The following NSUN2 variants were observed in gnomAD, a reference collection of about 807,000 sequenced individuals.
NSUN2 encodes the protein RNA cytosine C(5)-methyltransferase NSUN2.
NSUN2 carries 63 observed loss-of-function variants against 92.7 expected under a neutral mutation model. That is an observed-to-expected ratio of 0.68 (90% confidence interval 0.56 to 0.84). The LOEUF (loss-of-function observed/expected upper bound fraction) is 0.84, where lower values mean the gene tolerates loss of function less well. Ranked by LOEUF, NSUN2 falls within the 40% of genes least tolerant of loss-of-function variation. The pLI is 0.00. For synonymous variants in NSUN2, 356 were observed against 348.3 expected (o/e 1.02, Z -0.25); for missense variants, 989 against 964.9 (o/e 1.02, Z -0.33).
rs137873735 is a variant in NSUN2 at position 6,607,354 on chromosome 5, T to C, written c.1354A>G (p.Ser452Gly). 47 of 1,614,068 alleles carry C rather than the reference T, an allele frequency of 2.9e-5. No homozygotes were observed. The highest frequency in any genetic ancestry group is 3.6e-5 in the Non-Finnish European group (43 of 1,179,964). ...AGATCTGCAGGGCTCAGCTGTGTGC[T>C]TTCTCTGGTCTCTGCAGATTTACCC... ...LQGKSAETRE[S>G]TQLSPADLTE... is the part of the protein sequence containing the mutation. The change falls in exon 13 of 19, where the codon AGC (serine) becomes GGC (glycine). Residue 452 changes from serine to glycine, a missense_variant. Around this residue, in one of 3 missense-constraint regions of NSUN2, gnomAD observed 626 missense variants for 602.3 expected, o/e 1.04. Coordinates refer to ENST00000264670, the MANE Select transcript of NSUN2 (RefSeq NM_017755.6).
At chr5:6,618,846 T>G (rs1203340368) in intron 7 of NSUN2, among the ~76,000 whole-genome samples, 1 of 152,228 alleles carries the variant, frequency 6.6e-6, no homozygotes, top group Non-Finnish European at 1.5e-5. Flanking sequence ...AACGCCTGTT[T>G]TTGTTGGCTT....
rs760872450 is a variant in NSUN2, at chr5:6,611,448, T to TAAAAAAAAAAAAAAAAAAAAAAAAA, written c.1095+276_1095+277insTTTTTTTTTTTTTTTTTTTTTTTTT. ...ACAAGGCTTGAATCCCGGCCCAATT[T>TAAAAAAAAAAAAAAAAAAAAAAAAA]AAAAAAAAAAAAAAAAAGCAAAGCT... On this transcript the variant is annotated intron_variant, in intron 10 of 18. Transcript: ENST00000264670. Among the ~76,000 whole-genome samples, 17 of 86,070 alleles carry TAAAAAAAAAAAAAAAAAAAAAAAAA rather than the reference T, an allele frequency of 2.0e-4. 2 individuals are homozygous for TAAAAAAAAAAAAAAAAAAAAAAAAA. Among genetic ancestry groups the TAAAAAAAAAAAAAAAAAAAAAAAAA allele is most frequent in the African/African-American group, 3.1e-4 (7 of 22,462 alleles). 56.5% of individuals were successfully genotyped at this position (86,070 alleles called of 152,430 possible).
At chr5:6,601,538 A>G (rs936262682) in intron 18 of NSUN2, among the ~76,000 whole-genome samples, 6 of 151,852 alleles carry the variant, frequency 4.0e-5, no homozygotes, top group African/African-American at 1.5e-4. Flanking sequence ...TCCACATGGC[A>G]GCCGGACAGC....
rs1737980642 is a variant in NSUN2 at position 6,632,722 on chromosome 5, T to C, written c.131A>G (p.Glu44Gly). The C allele has an allele frequency of 1.9e-6, 3 of 1,613,896 alleles. No individual in the cohort carries two copies. In the African/African-American group the frequency reaches 4.0e-5, roughly 22 times the overall value. The change falls in exon 2 of 19, where the codon GAG (glutamate) becomes GGG (glycine). Residue 44 changes from glutamate to glycine, a missense_variant. By Grantham distance (98) the Glu-to-Gly change is moderately conservative. Transcript: ENST00000264670. Reference sequence around the variant, plus strand: ...GTAGTAGTGCTCGAACAGCTTGTTCTCCTTGACGATCTCGGGGTAGCCTCC... The same window carrying C: ...GTAGTAGTGCTCGAACAGCTTGTTCCCCTTGACGATCTCGGGGTAGCCTCC... The part of the protein sequence containing the change: ...WEGGYPEIVK[E>G]NKLFEHYYQE...
At chr5:6,625,489 C>T in intron 4 of NSUN2, 75 bp downstream of exon 4, 1 of 1,123,332 alleles carries the variant, frequency 8.9e-7, no homozygotes, top group Non-Finnish European at 1.3e-6. Flanking sequence ...TGACAAGAAC[C>T]TAAAAACAGA....
intron 7 of NSUN2, among the ~76,000 whole-genome samples, chr5:6,618,979 C>T (rs1404756032): frequency 1.3e-5 from 2 of 152,200 alleles, no homozygotes. Flanking sequence ...TGGCTGTACA[C>T]TAGTTGTTTG....
rs536322151 is a variant in NSUN2, at chr5:6,610,943, C to A, written c.1226+12G>T. On this transcript the variant is annotated intron_variant, in intron 11 of 18. Coordinates refer to ENST00000264670, the MANE Select transcript of NSUN2 (RefSeq NM_017755.6). ...TCCCCCCTCCCCACACCTGGAGGCC[C>A]CACCAGCTCACCATCGCTCCAGGTG... 1.9e-6 allele frequency: 3 copies of A among 1,613,740 alleles called. No homozygotes were observed. The highest frequency in any genetic ancestry group is 1.7e-5 in the Admixed American group (1 of 60,008).
intron 12 of NSUN2, 113 bp from the exon 13 acceptor site, chr5:6,607,497 T>C (rs1736825541): frequency 5.6e-6 from 5 of 900,854 alleles, no homozygotes; most frequent in Admixed American, 5.3e-5. Flanking sequence ...TTCTACAGCA[T>C]TATATGTAGA....
chr5:6,612,053 G>A (rs1737015502), intron 9 of NSUN2, among the ~76,000 whole-genome samples: 1 of 152,210 alleles, frequency 6.6e-6, no homozygotes, highest in Non-Finnish European at 1.5e-5. Flanking sequence ...ACGGCCTAAA[G>A]CTGGACTGTG....
chr5:6,605,049 G>A lies in NSUN2; in HGVS notation c.1737+224C>T, dbSNP rs1157779062. 9.5e-6 allele frequency: 6 copies of A among 634,382 alleles called. No homozygotes were observed. The East Asian group carries it at 1.1e-4, about 12-fold the overall frequency. The allele number at this position is 634,382 out of a possible 1,614,324, so 39.3% of individuals were successfully genotyped here. On this transcript the variant is annotated intron_variant, in intron 15 of 18. Coordinates refer to ENST00000264670, the MANE Select transcript of NSUN2 (RefSeq NM_017755.6). Reference sequence around the variant, plus strand: ...TGGCTCACCCCCCTGCGGGAATGGGGCACAGAAAAGACACAGGCCACCAGA... The same window carrying A: ...TGGCTCACCCCCCTGCGGGAATGGGACACAGAAAAGACACAGGCCACCAGA...
Position 6,605,729 on chromosome 5 carries a change from GCT to G in NSUN2, c.1602-323_1602-322del, listed in dbSNP as rs1300148837. On this transcript the variant is annotated intron_variant, in intron 14 of 18. Transcript: ENST00000264670. ...TTTTTTTTTTTTGATATGGAGTCTT[GCT>G]CTGTCTTCCAAGCTGGAGTGCAGTG... 4.1e-5 allele frequency among the ~76,000 whole-genome samples: 6 copies of G among 147,962 alleles called. No homozygotes were observed. The Admixed American group carries it at 4.1e-4, about 10-fold the overall frequency.
chr5:6,608,407 A>AG (rs1265834249), intron 12 of NSUN2, among the ~76,000 whole-genome samples: 1 of 152,216 alleles, frequency 6.6e-6, no homozygotes, highest in Non-Finnish European at 1.5e-5. Context: ...TACAGGCCTC[A>AG]GCACCACAAC....
In NSUN2 at chr5:6,600,205, G is replaced by T; in HGVS notation, c.2025C>A (p.Ile675=). 3 of 1,614,142 alleles carry T rather than the reference G, an allele frequency of 1.9e-6. No individual in the cohort carries two copies. The highest frequency in any genetic ancestry group is 2.5e-6 in the Non-Finnish European group (3 of 1,180,002). Residue 675 remains isoleucine (I), a synonymous_variant, in exon 19 of 19, where the codon ATC becomes ATA. Transcript: ENST00000264670. ...CCTTTCCCCGCCATCCGCATAAGAC[G>T]ATGGGACACTGCAGAGCGTCTGGAT... is the stretch of plus-strand genomic sequence containing the variant. ...SANPDALQCP[I]VLCGWRGKAS...
intron 18 of NSUN2, among the ~76,000 whole-genome samples, chr5:6,602,256 A>T (rs1002337670): frequency 6.6e-6 from 1 of 152,248 alleles, no homozygotes; most frequent in East Asian, 1.9e-4. Context: ...ACTTAGCCTG[A>T]GCTGAGTGTT....
At chr5:6,619,641 T>C (rs949947599) in intron 7 of NSUN2, among the ~76,000 whole-genome samples, 1 of 152,248 alleles carries the variant, frequency 6.6e-6, no homozygotes, top group African/African-American at 2.4e-5. Context: ...TCTTAAGGGC[T>C]TGAACTCCGA....
chr5:6,608,577 A>G (rs1306981752), intron 12 of NSUN2, among the ~76,000 whole-genome samples: 2 of 152,276 alleles, frequency 1.3e-5, no homozygotes, highest in African/African-American at 4.8e-5. Context: ...CGAGAAAATG[A>G]CAATAAGTTG....
intron 3 of NSUN2, among the ~76,000 whole-genome samples, chr5:6,628,975 G>A (rs560051158): frequency 6.6e-5 from 10 of 152,324 alleles, no homozygotes; most frequent in Non-Finnish European, 1.3e-4. Context: ...AGCCTAGGAG[G>A]TCAAGGCTGC....
chr5:6,611,784 C>T lies in NSUN2; in HGVS notation c.1036G>A (p.Ala346Thr), dbSNP rs745615465. The T allele has an allele frequency of 4.3e-6, 7 of 1,614,046 alleles. No homozygotes were observed. Among genetic ancestry groups the T allele is most frequent in the Non-Finnish European group, 5.9e-6 (7 of 1,180,024 alleles). ...CCTGGCAGTTCATTAGACACATCAG[C>T]AAGCTCCAAAGCACCTGTGCAGCAA... ...LEKSEGALEL[A>T]DVSNELPGLK... Residue 346 changes from alanine (A) to threonine (T), a missense_variant, in exon 10 of 19, where the codon GCT (alanine) becomes ACT (threonine). Physicochemically the swap from Ala to Thr is moderately conservative, Grantham distance 58. Around this residue, in one of 3 missense-constraint regions of NSUN2, gnomAD observed 626 missense variants for 602.3 expected, o/e 1.04. Transcript: ENST00000264670.
chr5:6,600,532 AAACTT>A (rs914900002), intron 18 of NSUN2, among the ~76,000 whole-genome samples: 2 of 152,098 alleles, frequency 1.3e-5, no homozygotes, highest in African/African-American at 4.8e-5. Flanking sequence ...CTTCCTTCTC[AAACTT>A]AACTTACTGT....
Sources: allele counts gnomAD v4.1 joint callset (sites outside exome capture counted in the v4.1 genomes callset), GRCh38; gene constraint gnomAD v4.1.1; regional missense constraint gnomAD v4.1.1; transcripts MANE v1.5; gene names NCBI Gene and HGNC (gene_info 2026-07-23, HGNC 2026-07-21).